The following KATNA1 variants were observed in gnomAD, a reference collection of about 807,000 sequenced individuals.
KATNA1 encodes the protein katanin p60 ATPase-containing subunit A1.
In KATNA1, 42 loss-of-function variants were observed where a neutral mutation model predicts 62.6. That is an observed-to-expected ratio of 0.67 (90% confidence interval 0.52 to 0.87). The LOEUF (loss-of-function observed/expected upper bound fraction) is 0.87, where lower values mean the gene tolerates loss of function less well. KATNA1 is among the 40% of genes least tolerant of loss of function. KATNA1 has a pLI of 0.00. For missense variants in KATNA1, 498 were observed against 612.5 expected (o/e 0.81, Z 1.97); for synonymous variants, 186 against 201.9 (o/e 0.92, Z 0.67).
chr6:149,632,463 C>T (rs951095765), intron 3 of KATNA1, among the ~76,000 whole-genome samples: 8 of 152,074 alleles, frequency 5.3e-5, no homozygotes, highest in Admixed American at 2.6e-4. Context: ...AAGACAGACA[C>T]GGAGCTTGGA....
chr6:149,607,520 G>T (rs1778788849), intron 4 of KATNA1, among the ~76,000 whole-genome samples: 1 of 152,174 alleles, frequency 6.6e-6, no homozygotes, highest in African/African-American at 2.4e-5. Flanking sequence ...AGGCTGAGAG[G>T]AGAATCGCTT....
intron 3 of KATNA1, among the ~76,000 whole-genome samples, chr6:149,631,911 C>G (rs1326128329): frequency 6.6e-6 from 1 of 152,090 alleles, no homozygotes; most frequent in African/African-American, 2.4e-5. Flanking sequence ...GGAAAAAAAG[C>G]CAGAGAAAAC....
At chr6:149,638,790 G>A (rs568791715) in intron 1 of KATNA1, among the ~76,000 whole-genome samples, 4 of 140,684 alleles carry the variant, frequency 2.8e-5, no homozygotes, top group African/African-American at 1.0e-4. Context: ...CGGCTGGAGC[G>A]CAATGGCATG....
intron 5 of KATNA1, 73 bp downstream of exon 5, chr6:149,604,588 G>GCT (rs1477050436): frequency 8.0e-6 from 12 of 1,493,744 alleles, no homozygotes; most frequent in Non-Finnish European, 1.0e-5. Flanking sequence ...TTCAGTACAT[G>GCT]CTCACATTTG....
chr6:149,616,541 T>C (rs1189079142), intron 4 of KATNA1, among the ~76,000 whole-genome samples: 1 of 152,022 alleles, frequency 6.6e-6, no homozygotes, highest in East Asian at 1.9e-4. Flanking sequence ...GGGCAGATCA[T>C]CTGAGGTCAA....
chr6:149,598,856 G>A (rs983881293), intron 7 of KATNA1, among the ~76,000 whole-genome samples: 3 of 151,996 alleles, frequency 2.0e-5, no homozygotes, highest in African/African-American at 4.8e-5. Context: ...CTAATGAACC[G>A]TTTTTTATTT....
intron 4 of KATNA1, among the ~76,000 whole-genome samples, chr6:149,618,453 G>C (rs1414569308): frequency 6.6e-6 from 1 of 151,968 alleles, no homozygotes; most frequent in African/African-American, 2.4e-5. Context: ...ACTCCAGACT[G>C]GGTGATAGAG....
At chr6:149,600,194 TAA>T (rs67468519) in intron 7 of KATNA1, among the ~76,000 whole-genome samples, 2,811 of 67,882 alleles carry the variant, frequency 0.041, 100 homozygotes, top group African/African-American at 0.12. Flanking sequence ...GAGCTTATCT[TAA>T]AAAAAAAAAA....
chr6:149,624,237 G>C (rs939917497), intron 3 of KATNA1, among the ~76,000 whole-genome samples: 1 of 152,038 alleles, frequency 6.6e-6, no homozygotes, highest in Non-Finnish European at 1.5e-5. Context: ...GAAACACTTT[G>C]AATTTTCGGA....
intron 4 of KATNA1, among the ~76,000 whole-genome samples, chr6:149,619,553 T>C (rs1201153444): frequency 6.6e-6 from 1 of 151,598 alleles, no homozygotes; most frequent in African/African-American, 2.4e-5. Flanking sequence ...GCGGAGGTTG[T>C]AGTTAGCCAA....
intron 4 of KATNA1, among the ~76,000 whole-genome samples, chr6:149,608,954 A>G (rs1419736742): frequency 2.0e-5 from 3 of 152,246 alleles, no homozygotes; most frequent in African/African-American, 7.2e-5. Context: ...GAAGGTTTAA[A>G]TAAGATCTAG....
At chr6:149,625,531 G>A (rs2114583727) in intron 3 of KATNA1, among the ~76,000 whole-genome samples, 1 of 152,250 alleles carries the variant, frequency 6.6e-6, no homozygotes, top group Middle Eastern at 3.4e-3. Context: ...TCAGGAGGCT[G>A]AGGCAAAAGA....
At chr6:149,628,302 G>T (rs1017881433) in intron 3 of KATNA1, among the ~76,000 whole-genome samples, 1 of 148,974 alleles carries the variant, frequency 6.7e-6, no homozygotes, top group African/African-American at 2.5e-5. Flanking sequence ...GTAGAGACGG[G>T]GTTTCACTGT....
intron 1 of KATNA1, among the ~76,000 whole-genome samples, chr6:149,640,784 TGATC>T (rs1780250842): frequency 6.6e-6 from 1 of 152,104 alleles, no homozygotes; most frequent in South Asian, 2.1e-4. Context: ...TGGGACCTCG[TGATC>T]CGCCCGCCTC....
intron 4 of KATNA1, among the ~76,000 whole-genome samples, chr6:149,622,454 C>G (rs1779436357): frequency 6.6e-6 from 1 of 151,838 alleles, no homozygotes; most frequent in African/African-American, 2.4e-5. Context: ...AAAGGGTATA[C>G]AGAAAAATAA....
At chr6:149,595,866 T>C (rs1226974143) in intron 10 of KATNA1, among the ~76,000 whole-genome samples, 1 of 152,210 alleles carries the variant, frequency 6.6e-6, no homozygotes, top group Non-Finnish European at 1.5e-5. Flanking sequence ...TAATTAAGTG[T>C]CTCTACTAAT....
chr6:149,601,851 A>G (rs1778557122), intron 6 of KATNA1, 99 bp from the exon 7 acceptor site: 1 of 800,132 alleles, frequency 1.2e-6, no homozygotes, highest in East Asian at 3.0e-5. Context: ...CAACTTATAT[A>G]TAATATCAAG....
intron 7 of KATNA1, among the ~76,000 whole-genome samples, chr6:149,600,220 A>C (rs1008770834): frequency 1.6e-5 from 2 of 126,116 alleles, no homozygotes; most frequent in South Asian, 5.2e-4. Context: ...AAAAAAAAAA[A>C]GCTGAACACA....
rs968606475 is a variant in KATNA1, at chr6:149,648,596, C to G, written c.-141G>C. On this transcript the variant is annotated 5_prime_UTR_variant, in exon 1 of 11. Transcript: ENST00000367411. ...GCCCACTTTGCTCTCCGCTCACGGC[C>G]CCAGTACTGCCCAGTTCAATCGTCA... 4 of 152,366 alleles carry G rather than the reference C, an allele frequency of 2.6e-5. No homozygotes were observed. Among genetic ancestry groups the G allele is most frequent in the African/African-American group, 9.6e-5 (4 of 41,460 alleles). The allele number at this position is 152,366 out of a possible 1,614,324, so 9.4% of individuals were successfully genotyped here.
Sources: allele counts gnomAD v4.1 joint callset (sites outside exome capture counted in the v4.1 genomes callset), GRCh38; gene constraint gnomAD v4.1.1; transcripts MANE v1.5; gene names NCBI Gene and HGNC (gene_info 2026-07-23, HGNC 2026-07-21).